Variants in FIRRM observed in about 807,000 individuals in gnomAD.
The protein encoded by FIRRM is FIGNL1 interacting regulator of recombination and mitosis.
chr1:169,837,207 C>T, the FIRRM span: 3 of 898,454 alleles, frequency 3.3e-6, no homozygotes, highest in East Asian at 9.0e-5. Flanking sequence ...AAGATGCACA[C>T]ACTCTCTGTT....
At chr1:169,825,173 C>T in the FIRRM span, among the ~76,000 whole-genome samples, 4 of 152,084 alleles carry the variant, frequency 2.6e-5, no homozygotes, top group East Asian at 7.7e-4. Flanking sequence ...CTGGATTTTG[C>T]AAAAAACTTT....
the FIRRM span, among the ~76,000 whole-genome samples, chr1:169,838,774 G>A: frequency 6.6e-6 from 1 of 152,176 alleles, no homozygotes; most frequent in African/African-American, 2.4e-5. Flanking sequence ...AGAGGAGTGA[G>A]CCACCACACC....
the FIRRM span, among the ~76,000 whole-genome samples, chr1:169,843,310 A>T: frequency 2.6e-5 from 4 of 152,216 alleles, no homozygotes; most frequent in Non-Finnish European, 5.9e-5. Context: ...TATAATGTAA[A>T]CCAAAATTAT....
At chr1:169,804,566 C>T in the FIRRM span, among the ~76,000 whole-genome samples, 5 of 152,200 alleles carry the variant, frequency 3.3e-5, no homozygotes, top group Middle Eastern at 3.4e-3. Context: ...GTTTATATTT[C>T]CTTCCAGAAT....
At chr1:169,852,745 A>T in the FIRRM span, 18 of 1,582,502 alleles carry the variant, frequency 1.1e-5, no homozygotes, top group African/African-American at 1.4e-4. Flanking sequence ...AAGGTTCTTT[A>T]TATTTAGAAT....
the FIRRM span, among the ~76,000 whole-genome samples, chr1:169,840,102 A>G: frequency 6.6e-6 from 1 of 152,108 alleles, no homozygotes; most frequent in Non-Finnish European, 1.5e-5. Context: ...TTGTACCTGT[A>G]TCATGATGTT....
At chr1:169,821,781 C>T in the FIRRM span, 2 of 1,485,648 alleles carry the variant, frequency 1.3e-6, no homozygotes, top group Non-Finnish European at 1.9e-6. Context: ...TTATACGTTA[C>T]TTTATTTAAT....
the FIRRM span, chr1:169,852,408 T>C: frequency 3.7e-6 from 1 of 268,644 alleles, no homozygotes. Flanking sequence ...GTAATTAGTA[T>C]AGTAGTAATT....
the FIRRM span, among the ~76,000 whole-genome samples, chr1:169,791,600 G>A: frequency 2.6e-5 from 4 of 152,188 alleles, no homozygotes; most frequent in Non-Finnish European, 5.9e-5. Flanking sequence ...GTTAACATAT[G>A]TAAAGCTCTT....
At chr1:169,794,923 G>A in the FIRRM span, 2 of 595,140 alleles carry the variant, frequency 3.4e-6, no homozygotes, top group South Asian at 4.1e-5. Flanking sequence ...GAGTCCTCCA[G>A]GGGCTAGAGA....
chr1:169,827,926 G>GT, the FIRRM span: 14,701 of 1,256,178 alleles, frequency 0.012, 39 homozygotes, highest in African/African-American at 0.04. Context: ...AAGTTTGTGT[G>GT]TTTTTTTTTT....
At chr1:169,807,806 C>T in the FIRRM span, 1 of 1,597,164 alleles carries the variant, frequency 6.3e-7, no homozygotes, top group Non-Finnish European at 8.5e-7. Flanking sequence ...GCCTTAAGCA[C>T]CAGTCCATAA....
chr1:169,838,425 C>T, the FIRRM span, among the ~76,000 whole-genome samples: 2 of 152,028 alleles, frequency 1.3e-5, no homozygotes, highest in African/African-American at 4.8e-5. Context: ...GAAGTATGAC[C>T]ACAGCTTTTT....
chr1:169,850,753 G>A, the FIRRM span: 8 of 164,610 alleles, frequency 4.9e-5, no homozygotes, highest in Admixed American at 1.8e-4. Context: ...CCAAGATCAT[G>A]CCACTGCACT....
chr1:169,846,272 A>G, the FIRRM span, among the ~76,000 whole-genome samples: 11 of 152,174 alleles, frequency 7.2e-5, no homozygotes, highest in Non-Finnish European at 1.3e-4. Flanking sequence ...TTCCATTGAT[A>G]GAGTACATGC....
chr1:169,827,310 T>C, the FIRRM span: 1 of 924,140 alleles, frequency 1.1e-6, no homozygotes. Flanking sequence ...TAAGTTTCTT[T>C]TACTTTCTTT....
chr1:169,798,959 G>A, the FIRRM span: 14 of 1,261,386 alleles, frequency 1.1e-5, no homozygotes, highest in Admixed American at 2.1e-5. Flanking sequence ...GAGCATATTC[G>A]TAAGTAAAAT....
the FIRRM span, chr1:169,852,990 C>CTT: frequency 1.9e-6 from 3 of 1,610,506 alleles, no homozygotes; most frequent in Admixed American, 3.4e-5. Context: ...TAGGGTGAAA[C>CTT]TTATCACTAG....
the FIRRM span, chr1:169,836,922 T>G: frequency 6.2e-7 from 1 of 1,604,644 alleles, no homozygotes; most frequent in East Asian, 2.2e-5. Flanking sequence ...AACAATTTAT[T>G]TCAGCTGGAG....
Sources: allele counts gnomAD v4.1 joint callset (sites outside exome capture counted in the v4.1 genomes callset), GRCh38; gene constraint gnomAD v4.1.1; transcripts MANE v1.5; gene names NCBI Gene and HGNC (gene_info 2026-07-23, HGNC 2026-07-21).